Variants in DLGAP1 observed in about 807,000 individuals in gnomAD.
DLGAP1 encodes the protein disks large-associated protein 1.
A neutral mutation model predicts 90.8 loss-of-function variants in DLGAP1; 11 were observed. That is an observed-to-expected ratio of 0.12 (90% CI 0.08 to 0.20). The LOEUF is 0.20. Ranked by LOEUF, DLGAP1 falls within the 10% of genes least tolerant of loss-of-function variation. The pLI is 1.00. For missense variants in DLGAP1, 1,050 were observed against 1,333.8 expected (o/e 0.79, Z 3.31); for synonymous variants, 558 against 540.7 (o/e 1.03, Z -0.44).
intron 4 of DLGAP1, among the ~76,000 whole-genome samples, chr18:3,860,745 G>T (rs2069999760): frequency 6.6e-6 from 1 of 152,200 alleles, no homozygotes; most frequent in African/African-American, 2.4e-5. Context: ...AAGGGACTTT[G>T]CAGATGGAAT....
chr18:3,919,101 T>A (rs2072211342), intron 3 of DLGAP1, among the ~76,000 whole-genome samples: 1 of 152,194 alleles, frequency 6.6e-6, no homozygotes, highest in Non-Finnish European at 1.5e-5. Flanking sequence ...GGTAAGTTGA[T>A]CAACAAGAAA....
chr18:3,583,103 C>A (rs191071399), intron 7 of DLGAP1, among the ~76,000 whole-genome samples: 1 of 151,292 alleles, frequency 6.6e-6, no homozygotes, highest in Admixed American at 6.6e-5. Flanking sequence ...CCACCGGGCC[C>A]GGCCACTTCC....
chr18:3,868,037 T>C (rs1419945687), intron 4 of DLGAP1, among the ~76,000 whole-genome samples: 1 of 152,214 alleles, frequency 6.6e-6, no homozygotes, highest in African/African-American at 2.4e-5. Context: ...TTGTTTCTAG[T>C]GGATTCGTTT....
intron 2 of DLGAP1, among the ~76,000 whole-genome samples, chr18:4,090,629 C>T (rs1042115116): frequency 1.3e-5 from 2 of 152,160 alleles, no homozygotes; most frequent in Admixed American, 6.5e-5. Flanking sequence ...AATAGGAACG[C>T]TTTTACACCA....
chr18:3,759,855 A>T (rs1206000526), intron 5 of DLGAP1, among the ~76,000 whole-genome samples: 1 of 152,238 alleles, frequency 6.6e-6, no homozygotes, highest in Non-Finnish European at 1.5e-5. Flanking sequence ...TAAGACTGTC[A>T]CCAGGTAAAA....
intron 4 of DLGAP1, among the ~76,000 whole-genome samples, chr18:3,832,861 G>GC (rs113960487): frequency 9.2e-5 from 14 of 151,658 alleles, no homozygotes; most frequent in East Asian, 3.9e-4. Context: ...CAGCTTAGGT[G>GC]CCCCCCCCAT....
At chr18:4,136,491 T>C in intron 2 of DLGAP1, among the ~76,000 whole-genome samples, 1 of 152,346 alleles carries the variant, frequency 6.6e-6, no homozygotes, top group Non-Finnish European at 1.5e-5. Context: ...TAATGATCAA[T>C]GATGGTGAGC....
chr18:3,519,726 C>G (rs949898236), intron 10 of DLGAP1, among the ~76,000 whole-genome samples: 4 of 152,194 alleles, frequency 2.6e-5, no homozygotes, highest in African/African-American at 9.7e-5. Flanking sequence ...TCTGACCCTA[C>G]TGCCATGCAA....
intron 2 of DLGAP1, among the ~76,000 whole-genome samples, chr18:4,122,770 C>T (rs921535363): frequency 2.0e-5 from 3 of 152,216 alleles, no homozygotes; most frequent in African/African-American, 4.8e-5. Context: ...GCTGGAGAGG[C>T]GAGACTTTGT....
chr18:3,512,218 T>C (rs17724172), intron 10 of DLGAP1, among the ~76,000 whole-genome samples: 25,186 of 152,146 alleles, frequency 0.17, 2,274 homozygotes, highest in Middle Eastern at 0.27. Context: ...ACCATCTATT[T>C]GTGTAATACT....
At chr18:4,085,254 C>T (rs1045957500) in intron 2 of DLGAP1, among the ~76,000 whole-genome samples, 1 of 152,018 alleles carries the variant, frequency 6.6e-6, no homozygotes, top group Admixed American at 6.6e-5. Flanking sequence ...GACAAGTCAC[C>T]AAGGCAGAAA....
chr18:4,198,514 A>G (rs1345737602), intron 1 of DLGAP1, among the ~76,000 whole-genome samples: 1 of 152,236 alleles, frequency 6.6e-6, no homozygotes, highest in Non-Finnish European at 1.5e-5. Context: ...TTAACGCATC[A>G]GACAGTTGTC....
intron 2 of DLGAP1, among the ~76,000 whole-genome samples, chr18:4,116,001 C>T (rs1298426421): frequency 3.3e-5 from 5 of 152,146 alleles, no homozygotes; most frequent in Non-Finnish European, 5.9e-5. Context: ...TTTCTTTTCT[C>T]GTGCAGATTC....
chr18:4,235,719 CTTTT>C (rs1175101805), intron 1 of DLGAP1, among the ~76,000 whole-genome samples: 2 of 80,270 alleles, frequency 2.5e-5, no homozygotes, highest in South Asian at 5.2e-4. Flanking sequence ...ATTTCAATGT[CTTTT>C]TTTTTTTTTT....
intron 2 of DLGAP1, among the ~76,000 whole-genome samples, chr18:4,029,227 A>G (rs1237975000): frequency 6.6e-6 from 1 of 152,190 alleles, no homozygotes; most frequent in African/African-American, 2.4e-5. Flanking sequence ...ATGTATATAT[A>G]CCATATTCTC....
chr18:4,306,795 T>C (rs1382757230), intron 1 of DLGAP1, among the ~76,000 whole-genome samples: 1 of 152,176 alleles, frequency 6.6e-6, no homozygotes, highest in East Asian at 1.9e-4. Context: ...ACTCGAGTTA[T>C]CTATCCAAAG....
chr18:4,378,825 C>T lies in DLGAP1; in HGVS notation c.-267+76181G>A, dbSNP rs1390801835. Among the ~76,000 whole-genome samples the T allele has an allele frequency of 6.6e-6, 1 of 152,092 alleles. No homozygotes were observed. The highest frequency in any genetic ancestry group is 2.4e-5 in the African/African-American group (1 of 41,410). On this transcript the variant is annotated intron_variant, in intron 1 of 12. Coordinates refer to ENST00000315677, the MANE Select transcript of DLGAP1 (RefSeq NM_004746.4). This position sits in a 1 kb window ranked among gnomAD's most constrained non-coding sequence, Gnocchi z 4.5. ...GTTCCATAAACACCATTCCATGAAC[C>T]TCATTCATTCTTACTATTTAGCTCT...
At chr18:3,743,700 G>GA (rs1380594831) in intron 5 of DLGAP1, among the ~76,000 whole-genome samples, 1 of 151,944 alleles carries the variant, frequency 6.6e-6, no homozygotes, top group Non-Finnish European at 1.5e-5. Context: ...GTCCAGGCTG[G>GA]AGTGCAGTGG....
chr18:3,996,184 G>A (rs1033957492), intron 3 of DLGAP1, among the ~76,000 whole-genome samples: 2 of 152,068 alleles, frequency 1.3e-5, no homozygotes, highest in Non-Finnish European at 2.9e-5. Context: ...TTTGTATTAT[G>A]TTTTAATTGA....
Sources: allele counts gnomAD v4.1 joint callset (sites outside exome capture counted in the v4.1 genomes callset), GRCh38; gene constraint gnomAD v4.1.1; non-coding constraint Gnocchi (gnomAD v3.1); transcripts MANE v1.5; gene names NCBI Gene and HGNC (gene_info 2026-07-23, HGNC 2026-07-21).